The following SDHA variants were observed in gnomAD, a reference collection of about 807,000 sequenced individuals.
SDHA encodes the protein succinate dehydrogenase complex flavoprotein subunit A.
In SDHA, 48 loss-of-function variants were observed where a neutral mutation model predicts 78.4. The observed-to-expected ratio is 0.61, with a 90% CI of 0.49 to 0.78. The LOEUF is 0.78. SDHA is among the 30% of genes least tolerant of loss of function. SDHA has a pLI of 0.00. For synonymous variants in SDHA, 326 were observed against 353.9 expected (o/e 0.92, Z 0.88); for missense variants, 680 against 892.7 (o/e 0.76, Z 3.04).
chr5:268,729 T>C, the SDHA span, among the ~76,000 whole-genome samples: 1 of 152,164 alleles, frequency 6.6e-6, no homozygotes, highest in Non-Finnish European at 1.5e-5. Flanking sequence ...TATTTAAATA[T>C]TAAAAGGGTG....
chr5:234,874 C>G (rs7708515), intron 8 of SDHA: 84,613 of 514,638 alleles, frequency 0.16, 11,217 homozygotes, highest in African/African-American at 0.53. Flanking sequence ...ACCAAGGACA[C>G]CTGCAGCAGG....
chr5:232,419 C>A (rs1412472798), intron 7 of SDHA, among the ~76,000 whole-genome samples: 1 of 152,154 alleles, frequency 6.6e-6, no homozygotes, highest in African/African-American at 2.4e-5. Context: ...CGGGATGTCA[C>A]CGTTTTGCCC....
At chr5:268,625 C>T in the SDHA span, among the ~76,000 whole-genome samples, 1 of 152,132 alleles carries the variant, frequency 6.6e-6, no homozygotes, top group Non-Finnish European at 1.5e-5. Flanking sequence ...CTTCTCTGAA[C>T]TCTAGTTTTC....
At chr5:263,652 G>T in the SDHA span, among the ~76,000 whole-genome samples, 1 of 152,178 alleles carries the variant, frequency 6.6e-6, no homozygotes, top group South Asian at 2.1e-4. Flanking sequence ...CAAAAACAAA[G>T]GTGAAACTAG....
intron 10 of SDHA, among the ~76,000 whole-genome samples, chr5:240,026 C>T (rs964027779): frequency 3.9e-5 from 6 of 152,210 alleles, no homozygotes; most frequent in African/African-American, 1.4e-4. Flanking sequence ...ACCTTGGCCT[C>T]GTAAAGTGCT....
intron 10 of SDHA, 46 bp downstream of exon 10, chr5:236,645 C>A (rs10057678): frequency 0.15 from 231,910 of 1,561,258 alleles, 23,139 homozygotes; most frequent in African/African-American, 0.53. Context: ...AGGCGCAGGA[C>A]GTTAGAAAGT....
chr5:226,036 T>C lies in SDHA; in HGVS notation c.610T>C (p.Leu204=). The change falls in exon 5 of 15, where the codon TTA becomes CTA. Residue 204 remains leucine (L), a synonymous_variant. Coordinates refer to ENST00000264932, the MANE Select transcript of SDHA (RefSeq NM_004168.4). ...DRTGHSLLHT[L]YGRSLRYDTS... ...GACTGGCCACTCGCTATTGCACACC[T>C]TATATGGAAGGGTAAGGCCGCCCCC... The C allele has an allele frequency of 6.2e-7, 1 of 1,614,108 alleles. No individual in the cohort carries two copies.
intron 5 of SDHA, among the ~76,000 whole-genome samples, chr5:226,823 G>T (rs1391491507): frequency 1.3e-5 from 2 of 150,468 alleles, no homozygotes; most frequent in African/African-American, 4.9e-5. Context: ...CAGCTGCTTG[G>T]GAGGCTGAGG....
chr5:241,128 A>C (rs1736114030), intron 11 of SDHA, among the ~76,000 whole-genome samples: 1 of 152,096 alleles, frequency 6.6e-6, no homozygotes, highest in Non-Finnish European at 1.5e-5. Flanking sequence ...GGGCAGAATT[A>C]GTGACTGCTT....
In SDHA at chr5:224,526, G is replaced by A. The variant is rs1384659459; in HGVS notation, c.312+5G>A. On this transcript the variant is annotated splice_donor_5th_base_variant and intron_variant, in intron 3 of 14. Transcript: ENST00000264932. ...TCACACACTGTTGCAGCACAGGTAAGAGAAAGGTGCCCCACTGTGCTCCCA... is the reference window on the plus strand; with the variant it reads ...TCACACACTGTTGCAGCACAGGTAAAAGAAAGGTGCCCCACTGTGCTCCCA... 2 of 1,611,754 alleles carry A rather than the reference G, an allele frequency of 1.2e-6. No homozygotes were observed. The highest frequency in any genetic ancestry group is 2.7e-5 in the African/African-American group (2 of 74,728).
Position 233,661 on chromosome 5 carries a change from C to T in SDHA, c.1064+16C>T. Reference sequence around the variant, plus strand: ...GAGAAGGAAGGTGCGTGTGATTTACCACCAGCACTGTCTGAGCGGGCACAC... The same window carrying T: ...GAGAAGGAAGGTGCGTGTGATTTACTACCAGCACTGTCTGAGCGGGCACAC... On this transcript the variant is annotated intron_variant, in intron 8 of 14. Transcript: ENST00000264932. 1 of 1,613,624 alleles carries T rather than the reference C, an allele frequency of 6.2e-7. No individual in the cohort carries two copies. The highest frequency in any genetic ancestry group is 2.2e-5 in the East Asian group (1 of 44,878).
At chr5:251,502 C>A (rs369096381) in intron 13 of SDHA, 34 bp downstream of exon 13, 131 of 1,613,522 alleles carry the variant, frequency 8.1e-5, no homozygotes, top group Non-Finnish European at 1.1e-4. Flanking sequence ...CTGCACCTGC[C>A]TTTTCCTGCC....
At position 218,380 on chromosome 5, in the gene SDHA, C is replaced by T. The variant is rs776218604; in HGVS notation, c.25C>T (p.Arg9Trp). The T allele has an allele frequency of 1.4e-6, 2 of 1,454,206 alleles. No homozygotes were observed. Among genetic ancestry groups the T allele is most frequent in the East Asian group, 2.8e-5 (1 of 36,182 alleles). 90.1% of individuals were successfully genotyped at this position (1,454,206 alleles called of 1,614,324 possible). A position where few individuals can be genotyped will look rare whatever the true frequency, so the allele number is the denominator to read the frequency against. Reference protein sequence around the residue: MSGVRGLSRLLSARRLALA... With the variant: MSGVRGLSWLLSARRLALA... ...CATGTCGGGGGTCCGGGGCCTGTCG[C>T]GGCTGCTGAGCGCTCGGCGCCTGGC... Residue 9 changes from arginine to tryptophan, a missense_variant, in exon 1 of 15, where the codon CGG becomes TGG. By Grantham distance (101) the Arg-to-Trp change is moderately radical. Coordinates refer to ENST00000264932, the MANE Select transcript of SDHA (RefSeq NM_004168.4).
chr5:242,118 G>T (rs186498695), intron 11 of SDHA, among the ~76,000 whole-genome samples: 2 of 152,288 alleles, frequency 1.3e-5, no homozygotes, highest in East Asian at 1.9e-4. Flanking sequence ...GTGGAAATGC[G>T]TTCCGTTGGG....
In SDHA at chr5:256,497, C is replaced by CT; in HGVS notation, c.*78dup. ...GCTCATGCATGTGTCCATGTCATAA[C>CT]TGTCTTCATACGCTTCTGCACTCTG... On this transcript the variant is annotated 3_prime_UTR_variant, in exon 15 of 15. Coordinates refer to ENST00000264932, the MANE Select transcript of SDHA (RefSeq NM_004168.4). 3 of 1,280,860 alleles carry CT rather than the reference C, an allele frequency of 2.3e-6. No individual in the cohort carries two copies. In the South Asian group the frequency reaches 3.6e-5, roughly 15 times the overall value. 79.3% of individuals were successfully genotyped at this position (1,280,860 alleles called of 1,614,324 possible).
chr5:260,174 G>A (rs369877420), downstream of SDHA, among the ~76,000 whole-genome samples: 16 of 822 alleles, frequency 0.019, 4 homozygotes, highest in Non-Finnish European at 0.03. Flanking sequence ...TCCGCCTCCC[G>A]TCAGAGCATT....
chr5:268,125 T>C, the SDHA span, among the ~76,000 whole-genome samples: 1 of 152,120 alleles, frequency 6.6e-6, no homozygotes, highest in Non-Finnish European at 1.5e-5. Context: ...GGCTAGTATC[T>C]CTTGTTCTAG....
At chr5:224,983 T>G in intron 3 of SDHA, 1 of 320,748 alleles carries the variant, frequency 3.1e-6, no homozygotes, top group Non-Finnish European at 5.9e-6. Context: ...CGACTCTGAG[T>G]GTGGAGTTTA....
At chr5:246,221 A>T (rs62344300) in intron 11 of SDHA, among the ~76,000 whole-genome samples, 1 of 150,256 alleles carries the variant, frequency 6.7e-6, no homozygotes, top group African/African-American at 2.4e-5. Flanking sequence ...AAATAGAATC[A>T]ATGCAGAGAA....
Sources: gnomAD v4.1 joint callset for allele counts (sites outside exome capture counted in the v4.1 genomes callset) on GRCh38, gnomAD v4.1.1 for gene constraint, MANE v1.5 for transcripts, NCBI Gene and HGNC (gene_info 2026-07-23, HGNC 2026-07-21) for gene names.